The following NET1 variants were observed in gnomAD, a reference collection of about 807,000 sequenced individuals.
The protein encoded by NET1 is neuroepithelial cell-transforming gene 1 protein.
In NET1, 42 loss-of-function variants were observed where a neutral mutation model predicts 61.1. That is an observed-to-expected ratio of 0.69 (90% CI 0.54 to 0.89). The LOEUF (loss-of-function observed/expected upper bound fraction) is 0.89. NET1 is among the 40% of genes least tolerant of loss of function. NET1 has a pLI of 0.00. For missense variants in NET1, 654 were observed against 747.3 expected (o/e 0.88, Z 1.46); for synonymous variants, 254 against 281.8 (o/e 0.90, Z 0.99).
In NET1 at chr10:5,451,792, T is replaced by G. The variant is rs1234452263; in HGVS notation, c.256-38T>G. On this transcript the variant is annotated intron_variant, in intron 3 of 11. Coordinates refer to ENST00000355029, the MANE Select transcript of NET1 (RefSeq NM_001047160.3). The surrounding 1 kb of genome is among the most constrained non-coding windows in gnomAD (Gnocchi z 6.1). ...CAAGTTTGTATGAAATCATTGCACC[T>G]AGACATATATTTAGTGTCATCTGGT... 2.0e-6 allele frequency: 3 copies of G among 1,514,570 alleles called. No individual in the cohort carries two copies. Among genetic ancestry groups the G allele is most frequent in the Non-Finnish European group, 2.7e-6 (3 of 1,092,682 alleles). 93.8% of individuals were successfully genotyped at this position (1,514,570 alleles called of 1,614,324 possible).
chr10:5,452,060 G>T lies in NET1; in HGVS notation c.363+123G>T. On this transcript the variant is annotated intron_variant, in intron 4 of 11. Coordinates refer to ENST00000355029, the MANE Select transcript of NET1 (RefSeq NM_001047160.3). The surrounding 1 kb of genome is among the most constrained non-coding windows in gnomAD (Gnocchi z 4.0). ...ATATTTAAACATAGTTTTCTTTTTG[G>T]AATATGCTAGTAAGGAATATTGTTC... 2.9e-6 allele frequency: 2 copies of T among 683,320 alleles called. No homozygotes were observed. The highest frequency in any genetic ancestry group is 2.3e-5 in the South Asian group (1 of 43,248). 42.3% of individuals were successfully genotyped at this position (683,320 alleles called of 1,614,324 possible). A position where few individuals can be genotyped will look rare whatever the true frequency, so the allele number is the denominator to read the frequency against.
rs1464786952 is a variant in NET1, at chr10:5,438,211, T to G, written c.255+8982T>G. 2.0e-5 allele frequency among the ~76,000 whole-genome samples: 3 copies of G among 152,122 alleles called. No homozygotes were observed. The East Asian group carries it at 5.8e-4, about 29-fold the overall frequency. On this transcript the variant is annotated intron_variant, in intron 3 of 11. Coordinates refer to ENST00000355029, the MANE Select transcript of NET1 (RefSeq NM_001047160.3). ...GGAGGTAATAAAAAGAAAAGCAGTCTTAACCCAAAGCTGGCAAATGGAAGG... is the reference window on the plus strand; with the variant it reads ...GGAGGTAATAAAAAGAAAAGCAGTCGTAACCCAAAGCTGGCAAATGGAAGG...
chr10:5,426,619 A>G lies in NET1; in HGVS notation c.129-36A>G, dbSNP rs1240268905. On this transcript the variant is annotated intron_variant, in intron 1 of 11. Coordinates refer to ENST00000355029, the MANE Select transcript of NET1 (RefSeq NM_001047160.3). The surrounding 1 kb of genome is among the most constrained non-coding windows in gnomAD (Gnocchi z 4.6). ...TTGATGCTCTATTATGCTAAAGTCA[A>G]TCTCTTTATTTATTGTTTGAATTTT... The G allele has an allele frequency of 2.6e-6, 4 of 1,516,814 alleles. No homozygotes were observed. Among genetic ancestry groups the G allele is most frequent in the African/African-American group, 1.4e-5 (1 of 72,294 alleles). 94.0% of individuals were successfully genotyped at this position (1,516,814 alleles called of 1,614,324 possible). A position where few individuals can be genotyped will look rare whatever the true frequency, so the allele number is the denominator to read the frequency against.
At position 5,454,451 on chromosome 10, in the gene NET1, C is replaced by T; in HGVS notation, c.955C>T (p.Pro319Ser). The T allele has an allele frequency of 6.2e-7, 1 of 1,614,150 alleles. No homozygotes were observed. Among genetic ancestry groups the T allele is most frequent in the Non-Finnish European group, 8.5e-7 (1 of 1,180,018 alleles). ...DIPRSRLVKY[P>S]LLLKEILKHT... Reference sequence around the variant, plus strand: ...CCCTCGAAGTCGCCTAGTCAAATACCCTTTACTGTTAAAAGAAATTCTTAA... The same window carrying T: ...CCCTCGAAGTCGCCTAGTCAAATACTCTTTACTGTTAAAAGAAATTCTTAA... Residue 319 changes from proline (P) to serine (S), a missense_variant, in exon 9 of 12, where the codon CCT becomes TCT. Physicochemically the swap from Pro to Ser is moderately conservative, Grantham distance 74. Coordinates refer to ENST00000355029, the MANE Select transcript of NET1 (RefSeq NM_001047160.3). The surrounding 1 kb of genome is among the most constrained non-coding windows in gnomAD (Gnocchi z 8.1).
At chr10:5,445,629 G>A (rs1015714324) in intron 3 of NET1, among the ~76,000 whole-genome samples, 9 of 152,144 alleles carry the variant, frequency 5.9e-5, no homozygotes, top group Admixed American at 5.9e-4. Context: ...CGAATTTTGT[G>A]TTTAAAAGGA....
rs145173958 is a variant in NET1, at chr10:5,447,342, G to A, written c.256-4488G>A. ...CACTTTTTTCTTCAGAAGGAAAGAG[G>A]CATGTTAGAATATTTAAACCAGTGA... On this transcript the variant is annotated intron_variant, in intron 3 of 11. Coordinates refer to ENST00000355029, the MANE Select transcript of NET1 (RefSeq NM_001047160.3). The surrounding 1 kb of genome is among the most constrained non-coding windows in gnomAD (Gnocchi z 4.1). Among the ~76,000 whole-genome samples, 306 of 152,218 alleles carry A rather than the reference G, an allele frequency of 2.0e-3. No individual in the cohort carries two copies. Among genetic ancestry groups the A allele is most frequent in the African/African-American group, 7.1e-3 (294 of 41,520 alleles).
In NET1 at chr10:5,452,281, TAA is replaced by T; in HGVS notation, c.364-69_364-68del. On this transcript the variant is annotated intron_variant, in intron 4 of 11. Transcript: ENST00000355029. This position sits in a 1 kb window ranked among gnomAD's most constrained non-coding sequence, Gnocchi z 4.0. ...CTCAGAACTTTGTCTTTCTTCACTT[TAA>T]AAAAAAAGAAAATGGGAATAATTCT... The T allele has an allele frequency of 1.6e-6, 2 of 1,251,442 alleles. No individual in the cohort carries two copies. The highest frequency in any genetic ancestry group is 2.1e-6 in the Non-Finnish European group (2 of 949,522). The allele number at this position is 1,251,442 out of a possible 1,614,324, so 77.5% of individuals were successfully genotyped here.
intron 3 of NET1, among the ~76,000 whole-genome samples, chr10:5,445,997 A>T (rs898630055): frequency 6.6e-6 from 1 of 152,216 alleles, no homozygotes; most frequent in Non-Finnish European, 1.5e-5. Flanking sequence ...TCCAGAAAAA[A>T]TATCTACCTC....
At position 5,423,335 on chromosome 10, in the gene NET1, A is replaced by C. The variant is rs1416235296; in HGVS notation, c.129-3320A>C. On this transcript the variant is annotated intron_variant, in intron 1 of 11. Transcript: ENST00000355029. The surrounding 1 kb of genome is among the most constrained non-coding windows in gnomAD (Gnocchi z 4.4). ...GACACAAATCAGAAACTCTGAAAAC[A>C]TAATTTGGCTTAAGAATGAATTAAC... Among the ~76,000 whole-genome samples, 1 of 152,218 alleles carries C rather than the reference A, an allele frequency of 6.6e-6. No individual in the cohort carries two copies. Among genetic ancestry groups the C allele is most frequent in the East Asian group, 1.9e-4 (1 of 5,204 alleles).
intron 3 of NET1, among the ~76,000 whole-genome samples, chr10:5,432,346 G>A (rs1832361651): frequency 6.6e-6 from 1 of 152,180 alleles, no homozygotes; most frequent in Non-Finnish European, 1.5e-5. Context: ...AAAGTCCAGA[G>A]ACATTGATTT....
chr10:5,427,354 A>C lies in NET1; in HGVS notation c.195+633A>C, dbSNP rs1003039476. ...TCAAAATATAATTTCATATAAATGC[A>C]TAAGTATGATCATATATGTGCTTTT... is the stretch of plus-strand genomic sequence containing the variant. On this transcript the variant is annotated intron_variant, in intron 2 of 11. Coordinates refer to ENST00000355029, the MANE Select transcript of NET1 (RefSeq NM_001047160.3). The surrounding 1 kb of genome is among the most constrained non-coding windows in gnomAD (Gnocchi z 4.1). 3.3e-5 allele frequency among the ~76,000 whole-genome samples: 5 copies of C among 152,210 alleles called. No homozygotes were observed. The highest frequency in any genetic ancestry group is 1.2e-4 in the African/African-American group (5 of 41,458).
rs573702695 is a variant in NET1, at chr10:5,415,572, T to C, written c.128+2752T>C. The stretch of plus-strand genomic sequence containing the variant: ...CTCCTGCCTCAGCCTACCAAGTAGC[T>C]GGAACTACAGGCATGTGTCACCACG... On this transcript the variant is annotated intron_variant, in intron 1 of 11. Transcript: ENST00000355029. The surrounding 1 kb of genome is among the most constrained non-coding windows in gnomAD (Gnocchi z 4.7). Among the ~76,000 whole-genome samples, 3 of 152,086 alleles carry C rather than the reference T, an allele frequency of 2.0e-5. No individual in the cohort carries two copies. Among genetic ancestry groups the C allele is most frequent in the Admixed American group, 6.6e-5 (1 of 15,264 alleles).
In NET1 at chr10:5,435,503, A is replaced by G. The variant is rs1832413958; in HGVS notation, c.255+6274A>G. Among the ~76,000 whole-genome samples the G allele has an allele frequency of 2.3e-4, 10 of 42,838 alleles. No homozygotes were observed. The South Asian group carries it at 0.016, about 67-fold the overall frequency. The allele number at this position is 42,838 out of a possible 152,430, so 28.1% of individuals were successfully genotyped here. A position where few individuals can be genotyped will look rare whatever the true frequency, so the allele number is the denominator to read the frequency against. Reference sequence around the variant, plus strand: ...TAGATAGATAGATAGATAGATAGATAGATAGATAGATAGATAGATAGATAG... The same window carrying G: ...TAGATAGATAGATAGATAGATAGATGGATAGATAGATAGATAGATAGATAG... On this transcript the variant is annotated intron_variant, in intron 3 of 11. Transcript: ENST00000355029. The surrounding 1 kb of genome is among the most constrained non-coding windows in gnomAD (Gnocchi z 5.0).
rs989348648 is a variant in NET1, at chr10:5,415,642, T to C, written c.128+2822T>C. On this transcript the variant is annotated intron_variant, in intron 1 of 11. Coordinates refer to ENST00000355029, the MANE Select transcript of NET1 (RefSeq NM_001047160.3). This position sits in a 1 kb window ranked among gnomAD's most constrained non-coding sequence, Gnocchi z 4.7. ...TTTTAGTAAAGACAGGGTTTCACCATGTTGGCTAGGCTGGTCTTGAACTCC... is the reference window on the plus strand; with the variant it reads ...TTTTAGTAAAGACAGGGTTTCACCACGTTGGCTAGGCTGGTCTTGAACTCC... Among the ~76,000 whole-genome samples, 2 of 152,220 alleles carry C rather than the reference T, an allele frequency of 1.3e-5. No individual in the cohort carries two copies. Among genetic ancestry groups the C allele is most frequent in the African/African-American group, 2.4e-5 (1 of 41,462 alleles).
At chr10:5,419,507 G>C (rs1391077428) in intron 1 of NET1, among the ~76,000 whole-genome samples, 1 of 152,100 alleles carries the variant, frequency 6.6e-6, no homozygotes, top group Admixed American at 6.6e-5. Flanking sequence ...TGCATTAAGT[G>C]AGAATTTTCT....
At position 5,421,446 on chromosome 10, in the gene NET1, T is replaced by C. The variant is rs1280384413; in HGVS notation, c.129-5209T>C. On this transcript the variant is annotated intron_variant, in intron 1 of 11. Transcript: ENST00000355029. This position sits in a 1 kb window ranked among gnomAD's most constrained non-coding sequence, Gnocchi z 4.2. ...TACCAACAGTGATAAGGCTTACTCT[T>C]TGAATTTTGTTTTTCCAGTAAAATT... 1.3e-5 allele frequency among the ~76,000 whole-genome samples: 2 copies of C among 152,250 alleles called. No homozygotes were observed. The highest frequency in any genetic ancestry group is 2.9e-5 in the Non-Finnish European group (2 of 68,044).
rs1832076787 is a variant in NET1 at position 5,416,019 on chromosome 10, A to T, written c.128+3199A>T. 6.6e-6 allele frequency among the ~76,000 whole-genome samples: 1 copy of T among 152,078 alleles called. No individual in the cohort carries two copies. The highest frequency in any genetic ancestry group is 2.1e-4 in the South Asian group (1 of 4,824). On this transcript the variant is annotated intron_variant, in intron 1 of 11. Coordinates refer to ENST00000355029, the MANE Select transcript of NET1 (RefSeq NM_001047160.3). The surrounding 1 kb of genome is among the most constrained non-coding windows in gnomAD (Gnocchi z 6.1). Reference sequence around the variant, plus strand: ...AGTGCTTTCTTCTGAGAATTTTATCATTTTAGCTTTTATATTTGGGTCTTT... The same window carrying T: ...AGTGCTTTCTTCTGAGAATTTTATCTTTTTAGCTTTTATATTTGGGTCTTT...
intron 1 of NET1, among the ~76,000 whole-genome samples, chr10:5,414,553 G>GA (rs1250099940): frequency 6.6e-6 from 1 of 152,174 alleles, no homozygotes. Context: ...TAGTCTAAAT[G>GA]AAAAAATGAT....
Position 5,426,418 on chromosome 10 carries a change from C to T in NET1, c.129-237C>T, listed in dbSNP as rs1832258372. On this transcript the variant is annotated intron_variant, in intron 1 of 11. Coordinates refer to ENST00000355029, the MANE Select transcript of NET1 (RefSeq NM_001047160.3). This position sits in a 1 kb window ranked among gnomAD's most constrained non-coding sequence, Gnocchi z 4.6. ...AAATTACTTTTTAAAATAATCTGTT[C>T]ACTAATTTTATATAGGCCTTTTCAC... Among the ~76,000 whole-genome samples, 1 of 152,024 alleles carries T rather than the reference C, an allele frequency of 6.6e-6. No individual in the cohort carries two copies. Among genetic ancestry groups the T allele is most frequent in the Non-Finnish European group, 1.5e-5 (1 of 67,998 alleles).
Sources: gnomAD v4.1 joint callset for allele counts (sites outside exome capture counted in the v4.1 genomes callset) on GRCh38, gnomAD v4.1.1 for gene constraint, Gnocchi (gnomAD v3.1) non-coding constraint, MANE v1.5 for transcripts, NCBI Gene and HGNC (gene_info 2026-07-23, HGNC 2026-07-21) for gene names.